ANXA11: variants seen among roughly 807,000 people sequenced by gnomAD.
The protein encoded by ANXA11 is annexin A11, also known as 56 kDa autoantigen.
Under a neutral mutation model 64.7 loss-of-function variants are expected in ANXA11, and 57 were observed. The observed-to-expected ratio is 0.88, with a 90% CI of 0.71 to 1.10. The LOEUF (loss-of-function observed/expected upper bound fraction) is 1.10. ANXA11 is among the 50% of genes least tolerant of loss of function. The pLI, the probability that ANXA11 is intolerant of heterozygous loss-of-function variation, is 0.00. For missense variants in ANXA11, 675 were observed against 670.7 expected (o/e 1.01, Z -0.07); for synonymous variants, 260 against 265.2 (o/e 0.98, Z 0.19).
At chr10:80,175,596 T>A (rs1036544609) in intron 2 of ANXA11, among the ~76,000 whole-genome samples, 4 of 149,222 alleles carry the variant, frequency 2.7e-5, no homozygotes, top group Non-Finnish European at 4.5e-5. Flanking sequence ...TAAAAAAAAA[T>A]AAAGATGAGA....
chr10:80,161,352 C>G (rs1260952124), intron 12 of ANXA11, among the ~76,000 whole-genome samples: 4 of 152,236 alleles, frequency 2.6e-5, no homozygotes, highest in Non-Finnish European at 5.9e-5. Flanking sequence ...CCAAGCACCT[C>G]CCGGTGGACC....
Position 80,166,902 on chromosome 10 carries a change from C to T in ANXA11, c.732G>A (p.Thr244=), listed in dbSNP as rs201680859. The T allele has an allele frequency of 1.4e-5, 22 of 1,607,076 alleles. No individual in the cohort carries two copies. The highest frequency in any genetic ancestry group is 1.1e-4 in the South Asian group (10 of 89,928). Reference sequence around the variant, plus strand: ...CCCCGCAGCTCGCCTTGCCGTAAGCCGTCTTGAAGGAAAGTAGGATCTGCT... The same window carrying T: ...CCCCGCAGCTCGCCTTGCCGTAAGCTGTCTTGAAGGAAAGTAGGATCTGCT... ...QRQQILLSFK[T]AYGKDLIKDL... The change falls in exon 7 of 16, where the codon ACG becomes ACA. Residue 244 remains threonine, a synonymous_variant. Transcript: ENST00000422982.
chr10:80,172,763 A>G, intron 3 of ANXA11, 44 bp downstream of exon 3: 1 of 1,588,006 alleles, frequency 6.3e-7, no homozygotes, highest in Non-Finnish European at 8.6e-7. Flanking sequence ...CAGCCACTGT[A>G]CAGAGGCAGC....
chr10:80,157,315 C>T lies in ANXA11; in HGVS notation c.1458+326G>A, dbSNP rs1373563621. 3 of 985,242 alleles carry T rather than the reference C, an allele frequency of 3.0e-6. No homozygotes were observed. In the African/African-American group the frequency reaches 5.2e-5, roughly 17 times the overall value. The allele number at this position is 985,242 out of a possible 1,614,324, so 61.0% of individuals were successfully genotyped here. On this transcript the variant is annotated intron_variant, in intron 15 of 15. Transcript: ENST00000422982. The stretch of plus-strand genomic sequence containing the variant: ...GGAGTGACAGCAGAGCTCCACAGAG[C>T]CTTTGGGACATGAGTTCTCACTGAC...
At chr10:80,189,622 T>C (rs1476464837) in intron 1 of ANXA11, among the ~76,000 whole-genome samples, 1 of 152,260 alleles carries the variant, frequency 6.6e-6, no homozygotes, top group Non-Finnish European at 1.5e-5. Context: ...GATTTTGGAA[T>C]ACTGGCATCA....
chr10:80,196,256 C>T (rs1252014201), intron 1 of ANXA11, among the ~76,000 whole-genome samples: 1 of 152,210 alleles, frequency 6.6e-6, no homozygotes, highest in African/African-American at 2.4e-5. Context: ...GTCACACACC[C>T]AAGTGCCAGA....
chr10:80,159,134 C>T lies in ANXA11; in HGVS notation c.1242G>A (p.Met414Ile), dbSNP rs1845404681. Reference protein sequence around the residue: ...RDIEKSICREMSGDLEEGMLA... With the variant: ...RDIEKSICREISGDLEEGMLA... ...GCATGCCCTCCTCCAGGTCCCCGGA[C>T]ATCTCCCGGCAGATGCTCTTCTCAA... Residue 414 changes from methionine (M) to isoleucine (I), a missense_variant, in exon 13 of 16, where the codon ATG becomes ATA. Physicochemically the swap from Met to Ile is conservative, Grantham distance 10. Transcript: ENST00000422982. 2 of 1,614,060 alleles carry T rather than the reference C, an allele frequency of 1.2e-6. No homozygotes were observed. Among genetic ancestry groups the T allele is most frequent in the African/African-American group, 1.3e-5 (1 of 74,934 alleles).
At chr10:80,191,435 T>C (rs1846771785) in intron 1 of ANXA11, among the ~76,000 whole-genome samples, 1 of 152,046 alleles carries the variant, frequency 6.6e-6, no homozygotes, top group South Asian at 2.1e-4. Context: ...AGAAAACTAA[T>C]ATATACAGTG....
chr10:80,186,307 T>G (rs1846536424), intron 1 of ANXA11, among the ~76,000 whole-genome samples: 3 of 145,078 alleles, frequency 2.1e-5, no homozygotes, highest in African/African-American at 5.2e-5. Flanking sequence ...AGGAGGGGGG[T>G]AGGAGAGAAA....
chr10:80,153,288 G>T lies in ANXA11; in HGVS notation c.*2565C>A, dbSNP rs543051125. The T allele has an allele frequency of 6.6e-6, 1 of 152,358 alleles. No individual in the cohort carries two copies. The highest frequency in any genetic ancestry group is 1.9e-4 in the East Asian group (1 of 5,190). The allele number at this position is 152,358 out of a possible 1,614,324, so 9.4% of individuals were successfully genotyped here. On this transcript the variant is annotated 3_prime_UTR_variant, in exon 16 of 16. Transcript: ENST00000422982. Reference sequence around the variant, plus strand: ...CAGCTCCAGCCATGCAGGAATGCAAGCCCCATAGTGCCAGAATTTCTGAGT... The same window carrying T: ...CAGCTCCAGCCATGCAGGAATGCAATCCCCATAGTGCCAGAATTTCTGAGT...
chr10:80,172,867 G>C lies in ANXA11; in HGVS notation c.-6C>G. On this transcript the variant is annotated splice_region_variant and 5_prime_UTR_variant, in exon 3 of 16. It adds an upstream start codon to the 5' untranslated region. Transcript: ENST00000422982. ...GGATAGCCAGGGTAGCTCATGGTTA[G>C]ATCTGGAAGAGAAGACGAAAGCACA... is the stretch of plus-strand genomic sequence containing the variant. 6.2e-7 allele frequency: 1 copy of C among 1,613,856 alleles called. No individual in the cohort carries two copies. The highest frequency in any genetic ancestry group is 8.5e-7 in the Non-Finnish European group (1 of 1,179,880).
intron 15 of ANXA11, chr10:80,156,383 G>A: frequency 2.1e-6 from 1 of 472,942 alleles, no homozygotes; most frequent in Non-Finnish European, 4.4e-6. Context: ...CTTACTCTAA[G>A]AGTGCAGGCT....
chr10:80,163,572 A>G lies in ANXA11; in HGVS notation c.991T>C (p.Ser331Pro), dbSNP rs1477212306. 1 of 1,570,952 alleles carries G rather than the reference A, an allele frequency of 6.4e-7. No individual in the cohort carries two copies. Among genetic ancestry groups the G allele is most frequent in the East Asian group, 2.3e-5 (1 of 42,804 alleles). The change falls in exon 10 of 16, where the codon TCA (serine) becomes CCA (proline). Residue 331 changes from serine (S) to proline (P), a missense_variant. Physicochemically the swap from Ser to Pro is moderately conservative, Grantham distance 74. Transcript: ENST00000422982. ...ATGAGGAGCCGCTGGAAGTGCCCTG[A>G]TGTGTCGCTTCGAATGGCCTCTTCC... is the stretch of plus-strand genomic sequence containing the variant. ...TLEEAIRSDT[S>P]GHFQRLLISL...
chr10:80,199,306 C>G (rs949423870), intron 1 of ANXA11, among the ~76,000 whole-genome samples: 2 of 151,974 alleles, frequency 1.3e-5, no homozygotes, highest in African/African-American at 4.8e-5. Flanking sequence ...ACCGTGTTAG[C>G]CAGGATGGTC....
chr10:80,169,442 C>G (rs1302092914), intron 4 of ANXA11, 84 bp from the exon 5 acceptor site: 3 of 1,463,794 alleles, frequency 2.0e-6, no homozygotes, highest in African/African-American at 1.4e-5. Context: ...TAAGCCAAGT[C>G]AGTCCTCACA....
At position 80,161,949 on chromosome 10, in the gene ANXA11, G is replaced by A. The variant is rs1416320894; in HGVS notation, c.1166C>T (p.Ala389Val). Residue 389 changes from alanine to valine, a missense_variant, in exon 12 of 16, where the codon GCC becomes GTC. Ala to Val is a moderately conservative substitution (Grantham distance 64, BLOSUM62 0). Coordinates refer to ENST00000422982, the MANE Select transcript of ANXA11 (RefSeq NM_145868.2). ...GCCTGCCTTACCTGCTACCAGGTGG[G>A]CCCGGCTCCGGGAGCACAGAACCGC... ...FNAVLCSRSR[A>V]HLVAVFNEYQ... 1 of 1,611,804 alleles carries A rather than the reference G, an allele frequency of 6.2e-7. No individual in the cohort carries two copies. Among genetic ancestry groups the A allele is most frequent in the Admixed American group, 1.7e-5 (1 of 60,016 alleles).
intron 7 of ANXA11, 131 bp from the exon 8 acceptor site, chr10:80,166,328 G>A: frequency 1.6e-6 from 1 of 606,578 alleles, no homozygotes; most frequent in South Asian, 2.0e-5. Context: ...CCAGGGGCCT[G>A]AGAGAAAAGC....
At chr10:80,159,250 C>T (rs1845411303) in intron 12 of ANXA11, 55 bp from the exon 13 acceptor site, 1 of 1,454,936 alleles carries the variant, frequency 6.9e-7, no homozygotes, top group African/African-American at 1.4e-5. Context: ...CCCCAAAGTT[C>T]ATATGTGGAA....
chr10:80,192,437 G>A (rs545005594), intron 1 of ANXA11, among the ~76,000 whole-genome samples: 51 of 152,040 alleles, frequency 3.4e-4, no homozygotes, highest in Admixed American at 2.9e-3. Flanking sequence ...GAGAAGTAGA[G>A]GACAAAAATA....
Sources: allele counts gnomAD v4.1 joint callset (sites outside exome capture counted in the v4.1 genomes callset), GRCh38; gene constraint gnomAD v4.1.1; transcripts MANE v1.5; gene names NCBI Gene and HGNC (gene_info 2026-07-23, HGNC 2026-07-21).